The following NRG1 variants were observed in gnomAD, a reference collection of about 807,000 sequenced individuals.
The protein encoded by NRG1 is neuregulin 1, also known as pro-neuregulin-1, membrane-bound isoform.
A neutral mutation model predicts 63.8 loss-of-function variants in NRG1; 18 were observed. That is an observed-to-expected ratio of 0.28 (90% CI 0.19 to 0.42). The LOEUF is 0.42. Among genes scored for constraint, NRG1 ranks in the 10% least tolerant of loss-of-function variants. The probability of loss-of-function intolerance (pLI) is 1.00; values close to 1 mark genes in which losing one functional copy is unlikely to be tolerated. For synonymous variants in NRG1, 302 were observed against 301.3 expected (o/e 1.00, Z -0.02); for missense variants, 762 against 814.7 (o/e 0.94, Z 0.79).
At chr8:32,394,061 G>A (rs998249364) in intron 1 of NRG1, among the ~76,000 whole-genome samples, 5 of 151,952 alleles carry the variant, frequency 3.3e-5, no homozygotes, top group African/African-American at 1.2e-4. Flanking sequence ...ACTCTGCCTG[G>A]TTCCTCCACT....
At chr8:32,382,555 G>T (rs1451214055) in intron 1 of NRG1, among the ~76,000 whole-genome samples, 2 of 152,096 alleles carry the variant, frequency 1.3e-5, no homozygotes, top group African/African-American at 4.8e-5. Flanking sequence ...TAAGATTAAG[G>T]TTTGCAAATC....
chr8:32,074,045 G>A (rs527711424), intron 1 of NRG1, among the ~76,000 whole-genome samples: 198 of 152,190 alleles, frequency 1.3e-3, no homozygotes, highest in Non-Finnish European at 2.4e-3. Flanking sequence ...AGGTAACTAA[G>A]GTTCTCAACT....
chr8:31,955,979 T>G (rs1804296507), intron 1 of NRG1, among the ~76,000 whole-genome samples: 1 of 147,122 alleles, frequency 6.8e-6, no homozygotes, highest in Non-Finnish European at 1.5e-5. Flanking sequence ...AGATCAAGGC[T>G]GCAGTGAGCC....
intron 1 of NRG1, among the ~76,000 whole-genome samples, chr8:31,889,910 C>G (rs1345617912): frequency 2.0e-5 from 3 of 151,896 alleles, no homozygotes; most frequent in Non-Finnish European, 4.4e-5. Context: ...ATGCCAACAA[C>G]CTATATTAAT....
chr8:32,117,964 G>A (rs996651604), intron 1 of NRG1, among the ~76,000 whole-genome samples: 3 of 152,104 alleles, frequency 2.0e-5, no homozygotes, highest in Non-Finnish European at 4.4e-5. Context: ...TCCTGTAGTA[G>A]AGAAATTCAT....
intron 1 of NRG1, among the ~76,000 whole-genome samples, chr8:32,163,556 A>G (rs765933484): frequency 6.6e-6 from 1 of 152,188 alleles, no homozygotes; most frequent in Non-Finnish European, 1.5e-5. Flanking sequence ...TTTGAGTTTT[A>G]TTGTCTTTTA....
intron 1 of NRG1, chr8:32,287,435 G>A (rs1369431257): frequency 6.6e-6 from 1 of 152,178 alleles, no homozygotes; most frequent in Non-Finnish European, 1.5e-5. Flanking sequence ...AGGCTTTTAG[G>A]ATTTACCTTC....
chr8:32,132,175 G>T (rs146198561), intron 1 of NRG1, among the ~76,000 whole-genome samples: 1 of 152,126 alleles, frequency 6.6e-6, no homozygotes, highest in African/African-American at 2.4e-5. Context: ...GGCTTATTAG[G>T]AATTGTGCAT....
intron 5 of NRG1, among the ~76,000 whole-genome samples, chr8:32,674,015 G>A (rs189330273): frequency 6.6e-6 from 1 of 152,246 alleles, no homozygotes; most frequent in East Asian, 1.9e-4. Flanking sequence ...TTTCACCTAT[G>A]TCTGACTCCA....
intron 5 of NRG1, among the ~76,000 whole-genome samples, chr8:32,654,096 C>A (rs991306763): frequency 6.6e-6 from 1 of 152,094 alleles, no homozygotes. Context: ...AAAGGCAGGT[C>A]TGGAAAAGTG....
At chr8:32,471,279 G>A (rs1198305920) in intron 1 of NRG1, among the ~76,000 whole-genome samples, 1 of 152,230 alleles carries the variant, frequency 6.6e-6, no homozygotes, top group African/African-American at 2.4e-5. Flanking sequence ...TGGCATAGTG[G>A]GTGAAAGGAC....
Position 32,424,234 on chromosome 8 carries a change from C to T in NRG1, c.38-171594C>T, listed in dbSNP as rs535423880. Among the ~76,000 whole-genome samples the T allele has an allele frequency of 1.8e-4, 27 of 152,204 alleles. 1 individual carries two copies. Among genetic ancestry groups the T allele is most frequent in the African/African-American group, 6.5e-4 (27 of 41,526 alleles). ...GCTTGTATGACCTTTGCTTTCCCTC[C>T]ATTTCTTGACTTGTGGCATCCACTA... On this transcript the variant is annotated intron_variant, in intron 1 of 10. Coordinates refer to the NRG1 transcript ENST00000519301.
intron 1 of NRG1, among the ~76,000 whole-genome samples, chr8:32,492,941 C>CAAATATTT (rs1826773071): frequency 6.6e-6 from 1 of 152,002 alleles, no homozygotes; most frequent in South Asian, 2.1e-4. Flanking sequence ...ATTTCTGAAA[C>CAAATATTT]CATAGTGTCA....
chr8:32,364,431 G>T (rs551118313), intron 1 of NRG1, among the ~76,000 whole-genome samples: 161 of 152,014 alleles, frequency 1.1e-3, no homozygotes, highest in African/African-American at 3.7e-3. Context: ...TCATACTTCT[G>T]CATCCTGCCT....
chr8:32,585,207 A>C lies in NRG1; in HGVS notation c.101-10621A>C, dbSNP rs991114028. Among the ~76,000 whole-genome samples the C allele has an allele frequency of 6.6e-5, 10 of 152,214 alleles. No individual in the cohort carries two copies. The East Asian group carries it at 1.9e-3, about 29-fold the overall frequency. On this transcript the variant is annotated intron_variant, in intron 1 of 11. Coordinates refer to ENST00000356819, the Ensembl canonical transcript of NRG1. ...GGCTGGTATGTATAATGCATAAGAA[A>C]AAAATCCTGTTTTATGACAATGGAA...
At chr8:32,009,923 A>T (rs1188427274) in intron 1 of NRG1, among the ~76,000 whole-genome samples, 1 of 29,848 alleles carries the variant, frequency 3.4e-5, no homozygotes, top group Non-Finnish European at 6.5e-5. Context: ...TCCCCACCCC[A>T]CTCACTTTTT....
intron 1 of NRG1, among the ~76,000 whole-genome samples, chr8:32,172,266 C>G (rs2132019404): frequency 6.6e-6 from 1 of 152,342 alleles, no homozygotes; most frequent in South Asian, 2.1e-4. Context: ...CAAACTCCAA[C>G]AGACCTGCAG....
intron 1 of NRG1, among the ~76,000 whole-genome samples, chr8:32,491,179 A>G (rs1826510935): frequency 6.6e-6 from 1 of 152,176 alleles, no homozygotes; most frequent in Non-Finnish European, 1.5e-5. Context: ...CATCTCTTAG[A>G]GATAATCAAT....
chr8:32,356,707 T>C (rs1013570430), intron 1 of NRG1, among the ~76,000 whole-genome samples: 2 of 152,194 alleles, frequency 1.3e-5, no homozygotes, highest in Non-Finnish European at 2.9e-5. Context: ...TGGTTGACCA[T>C]CATGGAATTG....
Sources: allele counts gnomAD v4.1 joint callset (sites outside exome capture counted in the v4.1 genomes callset), GRCh38; gene constraint gnomAD v4.1.1; transcripts MANE v1.5; gene names NCBI Gene and HGNC (gene_info 2026-07-23, HGNC 2026-07-21).